ASAP1: variants seen among roughly 807,000 people sequenced by gnomAD.
ASAP1 encodes ArfGAP with SH3 domain, ankyrin repeat and PH domain 1.
Under a neutral mutation model 145.2 loss-of-function variants are expected in ASAP1, and 43 were observed. The observed-to-expected ratio is 0.30, with a 90% CI of 0.23 to 0.38. The LOEUF is 0.38. ASAP1 is among the 10% of genes least tolerant of loss of function. The probability of loss-of-function intolerance (pLI) is 1.00; values close to 1 mark genes in which losing one functional copy is unlikely to be tolerated. For missense variants in ASAP1, 1,018 were observed against 1,355.3 expected, an observed-to-expected ratio of 0.75 and a Z score of 3.91; for synonymous variants, 546 against 515.5, an observed-to-expected ratio of 1.06 and a Z score of -0.80.
intron 3 of ASAP1, among the ~76,000 whole-genome samples, chr8:130,255,048 A>C (rs886508026): frequency 6.6e-6 from 1 of 152,144 alleles, no homozygotes; most frequent in African/African-American, 2.4e-5. Flanking sequence ...ATAAGTAATA[A>C]ATGTCTCGAA....
intron 24 of ASAP1, among the ~76,000 whole-genome samples, chr8:130,107,169 T>C (rs1318279588): frequency 1.4e-5 from 2 of 143,798 alleles, no homozygotes; most frequent in East Asian, 4.2e-4. Flanking sequence ...AACTATAGTC[T>C]CTCTCTTCTT....
chr8:130,420,573 A>G (rs965348898), intron 1 of ASAP1, among the ~76,000 whole-genome samples: 4 of 152,206 alleles, frequency 2.6e-5, no homozygotes, highest in African/African-American at 9.7e-5. Flanking sequence ...ACAGCCATAC[A>G]ATGCAATTAT....
rs992079999 is a variant in ASAP1, at chr8:130,076,495, T to C, written c.2643-89A>G. 5 of 987,328 alleles carry C rather than the reference T, an allele frequency of 5.1e-6. No homozygotes were observed. The African/African-American group carries it at 6.6e-5, about 13-fold the overall frequency. 61.2% of individuals were successfully genotyped at this position (987,328 alleles called of 1,614,324 possible). On this transcript the variant is annotated intron_variant, in intron 26 of 29. Transcript: ENST00000518721. ...TTCAAGTAAATCAAATCAAAGGTAT[T>C]TACATAATCATCTAAAGAATGCTTT...
At chr8:130,275,837 G>C (rs1820848859) in intron 3 of ASAP1, among the ~76,000 whole-genome samples, 1 of 152,126 alleles carries the variant, frequency 6.6e-6, no homozygotes, top group African/African-American at 2.4e-5. Context: ...AATGGAAAAG[G>C]CATGTAAAAA....
chr8:130,312,132 G>T (rs1448875301), intron 3 of ASAP1, among the ~76,000 whole-genome samples: 1 of 152,010 alleles, frequency 6.6e-6, no homozygotes, highest in African/African-American at 2.4e-5. Flanking sequence ...ACAAAAATTA[G>T]CTGGGTGTGG....
chr8:130,096,329 T>C (rs1300087665), intron 24 of ASAP1, among the ~76,000 whole-genome samples: 1 of 151,840 alleles, frequency 6.6e-6, no homozygotes, highest in Non-Finnish European at 1.5e-5. Flanking sequence ...TCTGGTAAGA[T>C]AAAGAAAGCT....
rs531928466 is a variant in ASAP1, at chr8:130,052,433, C to T, written c.*2298G>A. 1 of 152,372 alleles carries T rather than the reference C, an allele frequency of 6.6e-6. No homozygotes were observed. Among genetic ancestry groups the T allele is most frequent in the African/African-American group, 2.4e-5 (1 of 41,492 alleles). The allele number at this position is 152,372 out of a possible 1,614,324, so 9.4% of individuals were successfully genotyped here. A position where few individuals can be genotyped will look rare whatever the true frequency, so the allele number is the denominator to read the frequency against. ...TTTGCTATTTTTTTTTCATAAGGTT[C>T]CATATCTTCAAAATACTATATAATG... On this transcript the variant is annotated 3_prime_UTR_variant, in exon 30 of 30. Transcript: ENST00000518721.
chr8:130,311,653 C>A (rs924037511), intron 3 of ASAP1, among the ~76,000 whole-genome samples: 1 of 150,102 alleles, frequency 6.7e-6, no homozygotes, highest in African/African-American at 2.5e-5. Flanking sequence ...CCCAGCTACT[C>A]GGGAGGCTGA....
chr8:130,208,433 G>T (rs956192100), intron 5 of ASAP1, among the ~76,000 whole-genome samples: 3 of 152,056 alleles, frequency 2.0e-5, no homozygotes, highest in East Asian at 1.9e-4. Flanking sequence ...TTTCCTAACC[G>T]CTGGTAACTA....
chr8:130,239,620 A>G (rs1406082591), intron 3 of ASAP1, among the ~76,000 whole-genome samples: 2 of 152,180 alleles, frequency 1.3e-5, no homozygotes, highest in Non-Finnish European at 2.9e-5. Context: ...TTAAAAATAT[A>G]TAAGACATTT....
chr8:130,356,677 G>A (rs1010583794), intron 3 of ASAP1, among the ~76,000 whole-genome samples: 4 of 152,140 alleles, frequency 2.6e-5, no homozygotes, highest in African/African-American at 4.8e-5. Context: ...GAAGTATGCC[G>A]GAATGACACA....
chr8:130,278,977 C>A (rs1198880407), intron 3 of ASAP1, among the ~76,000 whole-genome samples: 1 of 152,168 alleles, frequency 6.6e-6, no homozygotes, highest in African/African-American at 2.4e-5. Flanking sequence ...AGGCAGGAAC[C>A]CTCAAACCCA....
intron 2 of ASAP1, among the ~76,000 whole-genome samples, chr8:130,367,993 T>C (rs917179545): frequency 1.7e-4 from 26 of 152,158 alleles, no homozygotes; most frequent in African/African-American, 6.0e-4. Flanking sequence ...TCTTAACATA[T>C]GCTATTTAGT....
At chr8:130,423,938 T>G (rs571579187) in intron 1 of ASAP1, among the ~76,000 whole-genome samples, 9 of 151,970 alleles carry the variant, frequency 5.9e-5, no homozygotes, top group African/African-American at 2.2e-4. Flanking sequence ...TGCTAATGAG[T>G]ATGGATGGAG....
rs143611310 is a variant in ASAP1, at chr8:130,318,900, C to T, written c.186+39117G>A. On this transcript the variant is annotated intron_variant, in intron 3 of 29. Transcript: ENST00000518721. Reference sequence around the variant, plus strand: ...GGGCCTTCAGCTGATGGTCTCATCACTGCAACACTGCCCTACTACAGGAGA... The same window carrying T: ...GGGCCTTCAGCTGATGGTCTCATCATTGCAACACTGCCCTACTACAGGAGA... Among the ~76,000 whole-genome samples, 650 of 152,316 alleles carry T rather than the reference C, an allele frequency of 4.3e-3. 3 individuals are homozygous for T. The highest frequency in any genetic ancestry group is 6.3e-3 in the Non-Finnish European group (431 of 68,038).
intron 24 of ASAP1, among the ~76,000 whole-genome samples, chr8:130,093,911 C>T: frequency 6.6e-6 from 1 of 152,026 alleles, no homozygotes; most frequent in Non-Finnish European, 1.5e-5. Context: ...ATAAGATAGG[C>T]TAGTTCTGAA....
At chr8:130,158,261 A>G (rs1456457271) in intron 12 of ASAP1, among the ~76,000 whole-genome samples, 1 of 152,042 alleles carries the variant, frequency 6.6e-6, no homozygotes, top group Non-Finnish European at 1.5e-5. Context: ...CGTAATCCCA[A>G]TACTTTGGGG....
At chr8:130,093,666 C>CA (rs71572317) in intron 24 of ASAP1, among the ~76,000 whole-genome samples, 8,479 of 51,946 alleles carry the variant, frequency 0.16, 1,174 homozygotes, top group South Asian at 0.29. Flanking sequence ...GACTCCGTCT[C>CA]AAAAAAAAAA....
intron 2 of ASAP1, among the ~76,000 whole-genome samples, chr8:130,373,848 A>AG (rs1770208676): frequency 7.8e-6 from 1 of 127,698 alleles, no homozygotes; most frequent in Admixed American, 7.7e-5. Context: ...TGGAGTCTCC[A>AG]GAAAAAAAAA....
Sources: gnomAD v4.1 joint callset for allele counts (sites outside exome capture counted in the v4.1 genomes callset) on GRCh38, gnomAD v4.1.1 for gene constraint, MANE v1.5 for transcripts, NCBI Gene and HGNC (gene_info 2026-07-23, HGNC 2026-07-21) for gene names.